LSM14B: variants seen among roughly 807,000 people sequenced by gnomAD.
LSM14B encodes LSM family member 14B, also known as protein LSM14 homolog B.
A neutral mutation model predicts 42.1 loss-of-function variants in LSM14B; 8 were observed. That is an observed-to-expected ratio of 0.19 (90% confidence interval 0.11 to 0.34). LSM14B has a LOEUF of 0.34. Ranked by LOEUF, LSM14B falls within the 10% of genes least tolerant of loss-of-function variation. The pLI is 1.00. For synonymous variants in LSM14B, 219 were observed against 209.7 expected, an observed-to-expected ratio of 1.04 and a Z score of -0.38; for missense variants, 396 against 513.1, an observed-to-expected ratio of 0.77 and a Z score of 2.21.
chr20:62,133,419 T>C lies in LSM14B; in HGVS notation c.1116T>C (p.Arg372=). ...FRGGRGNGTT[R]RNPTSHRAGT... is the part of the protein sequence containing the mutation. ...GAGGCAGGGGCAATGGGACCACCCG[T>C]CGCAACCCCACTTCCCACAGGGCCG... Residue 372 remains arginine (R), a synonymous_variant, in exon 8 of 9, where the codon CGT becomes CGC. Transcript: ENST00000279068. The C allele has an allele frequency of 6.2e-7, 1 of 1,613,056 alleles. No individual in the cohort carries two copies. Among genetic ancestry groups the C allele is most frequent in the Non-Finnish European group, 8.5e-7 (1 of 1,179,538 alleles).
In LSM14B at chr20:62,134,492, A is replaced by G. The variant is rs1312771356; in HGVS notation, c.*344A>G. On this transcript the variant is annotated 3_prime_UTR_variant, in exon 9 of 9. Transcript: ENST00000279068. Reference sequence around the variant, plus strand: ...TTTGTGACTTTTTTTTTTTTTTTTAATGACAAGCTTTGACTTTTAAAAGTG... The same window carrying G: ...TTTGTGACTTTTTTTTTTTTTTTTAGTGACAAGCTTTGACTTTTAAAAGTG... The G allele has an allele frequency of 3.5e-5, 11 of 309,910 alleles. No homozygotes were observed. Among genetic ancestry groups the G allele is most frequent in the South Asian group, 2.7e-4 (11 of 40,598 alleles). 19.2% of individuals were successfully genotyped at this position (309,910 alleles called of 1,614,324 possible). A position where few individuals can be genotyped will look rare whatever the true frequency, so the allele number is the denominator to read the frequency against.
chr20:62,126,246 AGGCGT>A (rs1568705397), intron 2 of LSM14B, 53 bp from the exon 3 acceptor site: 2 of 1,612,140 alleles, frequency 1.2e-6, no homozygotes, highest in African/African-American at 2.7e-5. Flanking sequence ...GCCCTGATGA[AGGCGT>A]GCGGGGTGAT....
intron 7 of LSM14B, among the ~76,000 whole-genome samples, chr20:62,132,701 G>A (rs1033149573): frequency 2.6e-5 from 4 of 152,210 alleles, no homozygotes; most frequent in Non-Finnish European, 5.9e-5. Context: ...CGGCTGAAGA[G>A]GAGCTCAGGG....
intron 6 of LSM14B, 36 bp from the exon 7 acceptor site, chr20:62,131,320 C>G: frequency 6.4e-7 from 1 of 1,559,064 alleles, no homozygotes; most frequent in Non-Finnish European, 8.7e-7. Flanking sequence ...CGCTCTGCCC[C>G]TCCTCCATCT....
Position 62,126,347 on chromosome 20 carries a change from T to G in LSM14B, c.335T>G (p.Val112Gly). 1 of 1,613,740 alleles carries G rather than the reference T, an allele frequency of 6.2e-7. No homozygotes were observed. The highest frequency in any genetic ancestry group is 8.5e-7 in the Non-Finnish European group (1 of 1,179,906). Reference protein sequence around the residue: ...SASASPFQPHVPYSPFRGMAP... With the variant: ...SASASPFQPHGPYSPFRGMAP... ...TCCGCCTCGCCCTTCCAGCCGCACGTGCCTTACAGCCCTTTCCGAGGGATG... is the reference window on the plus strand; with the variant it reads ...TCCGCCTCGCCCTTCCAGCCGCACGGGCCTTACAGCCCTTTCCGAGGGATG... Residue 112 changes from valine (V) to glycine (G), a missense_variant, in exon 3 of 9, where the codon GTG becomes GGG. By Grantham distance (109) the Val-to-Gly change is moderately radical. Transcript: ENST00000279068.
At chr20:62,127,816 GC>G in intron 3 of LSM14B, 1 of 790,912 alleles carries the variant, frequency 1.3e-6, no homozygotes. Flanking sequence ...AGCCCATGCA[GC>G]CGCTGAGCTG....
At chr20:62,128,651 C>A (rs6121904) in intron 3 of LSM14B, among the ~76,000 whole-genome samples, 1 of 152,038 alleles carries the variant, frequency 6.6e-6, no homozygotes, top group Non-Finnish European at 1.5e-5. Context: ...GTATGATCAG[C>A]AGGCAGGCAG....
chr20:62,127,459 G>A (rs570683813), intron 3 of LSM14B: 7 of 673,112 alleles, frequency 1.0e-5, no homozygotes, highest in Admixed American at 2.5e-5. Context: ...TTTCTAAAAC[G>A]TGTTTGTATG....
Position 62,133,511 on chromosome 20 carries a change from G to A in LSM14B, c.*14+36G>A, listed in dbSNP as rs775907159. 1.1e-5 allele frequency: 18 copies of A among 1,589,982 alleles called. No individual in the cohort carries two copies. Among genetic ancestry groups the A allele is most frequent in the African/African-American group, 4.1e-5 (3 of 73,044 alleles). ...GAACCTTCTGGACGCTTTGGTGGGA[G>A]GGTGTAGGGTCAGGCACACCTGGAG... On this transcript the variant is annotated intron_variant, in intron 8 of 8. Coordinates refer to ENST00000279068, the MANE Select transcript of LSM14B (RefSeq NM_144703.3).
intron 8 of LSM14B, among the ~76,000 whole-genome samples, chr20:62,133,942 A>G (rs1378522576): frequency 2.0e-5 from 3 of 152,240 alleles, no homozygotes; most frequent in African/African-American, 7.2e-5. Context: ...GCCTCGGGAC[A>G]GCCAGGTGGG....
In LSM14B at chr20:62,130,115, G is replaced by A. The variant is rs1022418969; in HGVS notation, c.596-104G>A. 3.0e-5 allele frequency: 44 copies of A among 1,485,064 alleles called. No individual in the cohort carries two copies. The African/African-American group carries it at 3.3e-4, about 11-fold the overall frequency. The allele number at this position is 1,485,064 out of a possible 1,614,324, so 92.0% of individuals were successfully genotyped here. A position where few individuals can be genotyped will look rare whatever the true frequency, so the allele number is the denominator to read the frequency against. ...CTGTGCAGCAGCCTCCTGCGGTGCC[G>A]CCCTGGCCGCGTGCCCCATGGTGGT... is the stretch of plus-strand genomic sequence containing the variant. On this transcript the variant is annotated intron_variant, in intron 4 of 8. Transcript: ENST00000279068. The surrounding 1 kb of genome is among the most constrained non-coding windows in gnomAD (Gnocchi z 4.1).
intron 3 of LSM14B, chr20:62,127,674 T>C: frequency 6.4e-7 from 1 of 1,550,974 alleles, no homozygotes; most frequent in South Asian, 1.2e-5. Context: ...TGACTTGTCC[T>C]CAGAGCCACA....
chr20:62,134,360 C>T lies in LSM14B; in HGVS notation c.*212C>T, dbSNP rs2056850520. On this transcript the variant is annotated 3_prime_UTR_variant, in exon 9 of 9. Transcript: ENST00000279068. ...TTTTGGGGAAGTATTCATGGGTAACCTCTTTGAGGTCTCTTTATCTGTGTT... is the reference window on the plus strand; with the variant it reads ...TTTTGGGGAAGTATTCATGGGTAACTTCTTTGAGGTCTCTTTATCTGTGTT... 4.3e-6 allele frequency: 2 copies of T among 467,872 alleles called. No individual in the cohort carries two copies. Among genetic ancestry groups the T allele is most frequent in the Non-Finnish European group, 4.4e-6 (1 of 226,506 alleles). The allele number at this position is 467,872 out of a possible 1,614,324, so 29.0% of individuals were successfully genotyped here. A position where few individuals can be genotyped will look rare whatever the true frequency, so the allele number is the denominator to read the frequency against.
At chr20:62,133,209 C>T (rs2056816671) in intron 7 of LSM14B, 81 bp from the exon 8 acceptor site, 5 of 1,547,404 alleles carry the variant, frequency 3.2e-6, no homozygotes, top group Non-Finnish European at 4.4e-6. Flanking sequence ...CCCTCCTTCC[C>T]TGGGCCGCTC....
intron 1 of LSM14B, chr20:62,123,045 G>A (rs1405685945): frequency 4.9e-6 from 1 of 205,038 alleles, no homozygotes; most frequent in East Asian, 1.1e-4. Context: ...TCCCAGGGCG[G>A]CGGGATTGTG....
At chr20:62,133,145 G>A (rs2145644338) in intron 7 of LSM14B, 145 bp from the exon 8 acceptor site, 2 of 940,438 alleles carry the variant, frequency 2.1e-6, no homozygotes, top group East Asian at 2.8e-5. Context: ...GCCGGAGCTG[G>A]GCTCCAGAGC....
chr20:62,126,402 C>T lies in LSM14B; in HGVS notation c.390C>T (p.Ser130=). ...CCTACGGCCCGCTGGCGGCCAGCTC[C>T]CTGCTCAGCCAGCAGTATGCCGCCT... ...MAPYGPLAAS[S]LLSQQYAASL... Residue 130 remains serine, a synonymous_variant, in exon 3 of 9, where the codon TCC becomes TCT. Transcript: ENST00000279068. The T allele has an allele frequency of 6.2e-7, 1 of 1,611,388 alleles. No homozygotes were observed. Among genetic ancestry groups the T allele is most frequent in the Non-Finnish European group, 8.5e-7 (1 of 1,179,834 alleles).
In LSM14B at chr20:62,129,829, G is replaced by A. The variant is rs1217253552; in HGVS notation, c.472G>A (p.Glu158Lys). 6.2e-7 allele frequency: 1 copy of A among 1,611,900 alleles called. No homozygotes were observed. Among genetic ancestry groups the A allele is most frequent in the African/African-American group, 1.3e-5 (1 of 74,858 alleles). Residue 158 changes from glutamate (E) to lysine (K), a missense_variant, in exon 4 of 9, where the codon GAG (glutamate) becomes AAG (lysine). Physicochemically the swap from Glu to Lys is moderately conservative, Grantham distance 56 (BLOSUM62 1). Coordinates refer to ENST00000279068, the MANE Select transcript of LSM14B (RefSeq NM_144703.3). ...CCCAGTCGGCAAGAGCCCCATGGTG[G>A]AGCAGGCTGTGCAGACTGGTTCTGC... ...SIPVGKSPMV[E>K]QAVQTGSADN...
chr20:62,132,399 C>T (rs910213704), intron 7 of LSM14B, among the ~76,000 whole-genome samples: 3 of 152,130 alleles, frequency 2.0e-5, no homozygotes, highest in South Asian at 2.1e-4. Flanking sequence ...AAGCGTGGTG[C>T]GGTCTGATGT....
Sources: gnomAD v4.1 joint callset for allele counts (sites outside exome capture counted in the v4.1 genomes callset) on GRCh38, gnomAD v4.1.1 for gene constraint, Gnocchi (gnomAD v3.1) non-coding constraint, MANE v1.5 for transcripts, NCBI Gene and HGNC (gene_info 2026-07-23, HGNC 2026-07-21) for gene names.